The following ROS1 variants were observed in gnomAD, a reference collection of about 807,000 sequenced individuals.
ROS1 encodes the protein proto-oncogene tyrosine-protein kinase ROS.
A neutral mutation model predicts 273.5 loss-of-function variants in ROS1; 263 were observed. The ratio of observed to expected loss-of-function variants is 0.96; its 90% CI spans 0.87 to 1.06. The LOEUF (loss-of-function observed/expected upper bound fraction) is 1.06, where lower values mean the gene tolerates loss of function less well. Among genes scored for constraint, ROS1 ranks in the 50% least tolerant of loss-of-function variants. ROS1 has a pLI of 0.00. For missense variants in ROS1, 2,833 were observed against 2,751.1 expected, an observed-to-expected ratio of 1.03 and a Z score of -0.67; for synonymous variants, 1,008 against 954.1, an observed-to-expected ratio of 1.06 and a Z score of -1.04.
Position 117,302,231 on chromosome 6 carries a change from C to A in ROS1, c.6552-1094G>T, listed in dbSNP as rs541556030. Among the ~76,000 whole-genome samples, 7 of 152,286 alleles carry A rather than the reference C, an allele frequency of 4.6e-5. No homozygotes were observed. The South Asian group carries it at 1.4e-3, about 32-fold the overall frequency. On this transcript the variant is annotated intron_variant, in intron 42 of 43. Coordinates refer to ENST00000368507, the MANE Select transcript of ROS1 (RefSeq NM_001378902.1). Reference sequence around the variant, plus strand: ...TATAACTTAGTCCCACTATTTTAAACAATCTTTTTAAGTAATATTCAGTCT... The same window carrying A: ...TATAACTTAGTCCCACTATTTTAAAAAATCTTTTTAAGTAATATTCAGTCT...
intron 29 of ROS1, among the ~76,000 whole-genome samples, chr6:117,341,960 C>G (rs981084997): frequency 1.3e-5 from 2 of 152,138 alleles, no homozygotes; most frequent in Admixed American, 6.6e-5. Context: ...ACCACCTCAT[C>G]AGCTCTTAGA....
intron 15 of ROS1, among the ~76,000 whole-genome samples, chr6:117,386,664 T>C (rs914675514): frequency 6.6e-6 from 1 of 152,238 alleles, no homozygotes; most frequent in Non-Finnish European, 1.5e-5. Flanking sequence ...CTGGTGGGCA[T>C]AAAACTAGAA....
At chr6:117,336,285 G>A (rs2128613230) in intron 32 of ROS1, among the ~76,000 whole-genome samples, 1 of 152,112 alleles carries the variant, frequency 6.6e-6, no homozygotes, top group East Asian at 1.9e-4. Flanking sequence ...ATTAAGCCCA[G>A]CATGCATTAG....
intron 18 of ROS1, among the ~76,000 whole-genome samples, chr6:117,377,278 T>G (rs2128681525): frequency 6.6e-6 from 1 of 152,068 alleles, no homozygotes; most frequent in South Asian, 2.1e-4. Context: ...GCTCAGCTAG[T>G]TTTTGTATTT....
intron 2 of ROS1, 131 bp downstream of exon 2, chr6:117,418,331 A>G (rs570260985): frequency 1.5e-6 from 1 of 680,098 alleles, no homozygotes; most frequent in East Asian, 3.0e-5. Flanking sequence ...CATTATTTTC[A>G]ATTTGTCTTC....
At chr6:117,382,218 A>G (rs919587837) in intron 17 of ROS1, among the ~76,000 whole-genome samples, 4 of 152,190 alleles carry the variant, frequency 2.6e-5, no homozygotes, top group African/African-American at 9.6e-5. Context: ...TTATTATTTG[A>G]CAAGAATGAT....
At chr6:117,422,592 A>C (rs1293796800) in intron 1 of ROS1, among the ~76,000 whole-genome samples, 1 of 152,162 alleles carries the variant, frequency 6.6e-6, no homozygotes, top group Non-Finnish European at 1.5e-5. Context: ...ATATATTGAT[A>C]TACAAGACAA....
chr6:117,355,842 C>CTGA (rs1779262092), intron 26 of ROS1, among the ~76,000 whole-genome samples: 1 of 151,976 alleles, frequency 6.6e-6, no homozygotes, highest in African/African-American at 2.4e-5. Context: ...AACTCCTGAC[C>CTGA]TCAAGTGATC....
rs2128660579 is a variant in ROS1 at position 117,365,637 on chromosome 6, G to C, written c.2902C>G (p.Pro968Ala). 2 of 1,613,214 alleles carry C rather than the reference G, an allele frequency of 1.2e-6. No individual in the cohort carries two copies. The highest frequency in any genetic ancestry group is 1.7e-6 in the Non-Finnish European group (2 of 1,179,418). ...AAAACTACACCCCAGTCTACCGCAG[G>C]GGGACCATTCCACAGGATTTGAAAA... ...SSFQILWNGP[P>A]AVDWGVVFYS... The change falls in exon 20 of 44, where the codon CCT becomes GCT. Residue 968 changes from proline (P) to alanine (A), a missense_variant. Coordinates refer to ENST00000368507, the MANE Select transcript of ROS1 (RefSeq NM_001378902.1).
intron 35 of ROS1, among the ~76,000 whole-genome samples, chr6:117,324,109 G>A (rs532444169): frequency 6.6e-6 from 1 of 152,150 alleles, no homozygotes; most frequent in Non-Finnish European, 1.5e-5. Context: ...AGTATAACAT[G>A]AAATGTACAT....
rs1426748283 is a variant in ROS1, at chr6:117,397,080, C to T, written c.641G>A (p.Ser214Asn). ...GACTTCCACAGTGTCGGGACTTGAGCTCTCAATATTCCTAATCAAAGGTGC... is the reference window on the plus strand; with the variant it reads ...GACTTCCACAGTGTCGGGACTTGAGTTCTCAATATTCCTAATCAAAGGTGC... ...ETAPLIRNIESSSPDTVEVSW... is the reference protein window; with the variant it reads ...ETAPLIRNIENSSPDTVEVSW... Residue 214 changes from serine to asparagine, a missense_variant, in exon 8 of 44, where the codon AGC becomes AAC. Ser to Asn is a conservative substitution (Grantham distance 46). Transcript: ENST00000368507. 1.9e-6 allele frequency: 3 copies of T among 1,613,584 alleles called. No homozygotes were observed. The highest frequency in any genetic ancestry group is 3.3e-5 in the Admixed American group (2 of 59,988).
intron 36 of ROS1, 84 bp from the exon 37 acceptor site, chr6:117,320,114 G>A (rs1364171551): frequency 1.5e-5 from 18 of 1,185,078 alleles, no homozygotes; most frequent in Non-Finnish European, 1.9e-5. Flanking sequence ...ATTTGTGTTT[G>A]AGAGAGAAAG....
Position 117,337,169 on chromosome 6 carries a change from C to G in ROS1, c.5230+3G>C, listed in dbSNP as rs1420349295. The G allele has an allele frequency of 1.9e-6, 3 of 1,610,290 alleles. No homozygotes were observed. On this transcript the variant is annotated splice_donor_region_variant and intron_variant, in intron 32 of 43. Coordinates refer to ENST00000368507, the MANE Select transcript of ROS1 (RefSeq NM_001378902.1). ...TCTGAGTATTGAGTATGTTAGTACT[C>G]ACCTTTTGTCTTAAAGCTTTCTGGA...
chr6:117,383,439 T>C lies in ROS1; in HGVS notation c.2359A>G (p.Met787Val), dbSNP rs1426636306. 2 of 1,613,984 alleles carry C rather than the reference T, an allele frequency of 1.2e-6. No homozygotes were observed. Among genetic ancestry groups the C allele is most frequent in the Admixed American group, 3.3e-5 (2 of 60,014 alleles). Residue 787 changes from methionine (M) to valine (V), a missense_variant, in exon 17 of 44, where the codon ATG becomes GTG. Coordinates refer to ENST00000368507, the MANE Select transcript of ROS1 (RefSeq NM_001378902.1). ...VTHVKLLVNDMVVDSVGGYLY... is the reference protein window; with the variant it reads ...VTHVKLLVNDVVVDSVGGYLY... The stretch of plus-strand genomic sequence containing the variant: ...TATCCACCAACTGAATCCACCACCA[T>C]GTCATTCACCAATAGCTTCACGTGG...
At chr6:117,408,408 C>T (rs373629526) in intron 5 of ROS1, among the ~76,000 whole-genome samples, 8 of 152,074 alleles carry the variant, frequency 5.3e-5, no homozygotes, top group East Asian at 1.9e-4. Context: ...GCGAAGGATA[C>T]GAACAGGCAC....
intron 32 of ROS1, among the ~76,000 whole-genome samples, chr6:117,335,688 G>A (rs992525350): frequency 6.6e-6 from 1 of 152,172 alleles, no homozygotes; most frequent in Non-Finnish European, 1.5e-5. Flanking sequence ...CCTTTGCAGG[G>A]ACATGGATGA....
intron 39 of ROS1, among the ~76,000 whole-genome samples, chr6:117,316,078 T>C (rs138407797): frequency 1.8e-4 from 27 of 152,206 alleles, no homozygotes; most frequent in African/African-American, 6.5e-4. Context: ...GGAAGGATGG[T>C]TTATCTGCAA....
chr6:117,364,446 C>T (rs1780041053), intron 21 of ROS1, among the ~76,000 whole-genome samples: 3 of 152,160 alleles, frequency 2.0e-5, no homozygotes, highest in Admixed American at 2.0e-4. Context: ...AACTACTAGG[C>T]TTTCATTTTC....
intron 11 of ROS1, among the ~76,000 whole-genome samples, chr6:117,393,794 A>T (rs1186244574): frequency 6.6e-6 from 1 of 152,176 alleles, no homozygotes; most frequent in Non-Finnish European, 1.5e-5. Flanking sequence ...AGAACTACTA[A>T]ATTTCCCTCT....
Sources: allele counts gnomAD v4.1 joint callset (sites outside exome capture counted in the v4.1 genomes callset), GRCh38; gene constraint gnomAD v4.1.1; transcripts MANE v1.5; gene names NCBI Gene and HGNC (gene_info 2026-07-23, HGNC 2026-07-21).